The following IKBKB variants were observed in gnomAD, a reference collection of about 807,000 sequenced individuals.
The protein encoded by IKBKB is inhibitor of nuclear factor kappa B kinase subunit beta, also known as inhibitor of nuclear factor kappa-B kinase subunit beta.
IKBKB carries 42 observed loss-of-function variants against 113.6 expected under a neutral mutation model. The ratio of observed to expected loss-of-function variants is 0.37; its 90% CI spans 0.29 to 0.48. IKBKB has a LOEUF of 0.48. IKBKB is among the 20% of genes least tolerant of loss of function. IKBKB has a pLI of 0.99. For synonymous variants in IKBKB, 296 were observed against 361.3 expected, an observed-to-expected ratio of 0.82 and a Z score of 2.05; for missense variants, 673 against 939.7, an observed-to-expected ratio of 0.72 and a Z score of 3.71.
At chr8:42,276,218 T>C (rs148928816) in intron 2 of IKBKB, among the ~76,000 whole-genome samples, 1 of 152,362 alleles carries the variant, frequency 6.6e-6, no homozygotes, top group East Asian at 1.9e-4. Flanking sequence ...CAATAGTGTA[T>C]AGAGTTCCGC....
rs1563361669 is a variant in IKBKB at position 42,320,809 on chromosome 8, C to T, written c.1653C>T (p.Pro551=). The change falls in exon 16 of 22, where the codon CCC becomes CCT. Residue 551 remains proline, a synonymous_variant. Coordinates refer to ENST00000520810, the MANE Select transcript of IKBKB (RefSeq NM_001556.3). ...ACATTGTGGACTTACAGAGGAGCCCCATGGGCCGGAAGCAGGGGGGAACGC... is the reference window on the plus strand; with the variant it reads ...ACATTGTGGACTTACAGAGGAGCCCTATGGGCCGGAAGCAGGGGGGAACGC... The part of the protein sequence containing the change: ...QTDIVDLQRS[P]MGRKQGGTLD... 2 of 1,606,524 alleles carry T rather than the reference C, an allele frequency of 1.2e-6. No homozygotes were observed. The highest frequency in any genetic ancestry group is 1.7e-6 in the Non-Finnish European group (2 of 1,176,298).
intron 2 of IKBKB, among the ~76,000 whole-genome samples, chr8:42,277,632 C>A (rs950842038): frequency 1.3e-5 from 2 of 152,206 alleles, no homozygotes; most frequent in Non-Finnish European, 2.9e-5. Context: ...GGACAGGCCT[C>A]CCCCTCCTCC....
chr8:42,298,387 G>A, intron 5 of IKBKB: 1 of 985,382 alleles, frequency 1.0e-6, no homozygotes, highest in Non-Finnish European at 1.2e-6. Flanking sequence ...TTCTCGAGCT[G>A]CTCCTAGCAG....
chr8:42,331,508 T>A lies in IKBKB; in HGVS notation c.*529T>A, dbSNP rs1199458134. The A allele has an allele frequency of 1.5e-6, 1 of 667,892 alleles. No individual in the cohort carries two copies. Among genetic ancestry groups the A allele is most frequent in the Non-Finnish European group, 2.7e-6 (1 of 366,994 alleles). The allele number at this position is 667,892 out of a possible 1,614,324, so 41.4% of individuals were successfully genotyped here. On this transcript the variant is annotated 3_prime_UTR_variant, in exon 22 of 22. Coordinates refer to ENST00000520810, the MANE Select transcript of IKBKB (RefSeq NM_001556.3). ...TTTACAGCTTGTGTTTCTTCTGGAT[T>A]CAGCTTCTCCTAAACAGACAGTTTA...
chr8:42,280,007 C>T (rs1399805632), intron 2 of IKBKB, among the ~76,000 whole-genome samples: 8 of 152,088 alleles, frequency 5.3e-5, no homozygotes, highest in Admixed American at 5.2e-4. Context: ...AGACACCACG[C>T]CTGGCTAATT....
chr8:42,316,170 G>C lies in IKBKB; in HGVS notation c.801-40G>C, dbSNP rs1351154201. ...AGACGCACACTGTAGCCCAACATTG[G>C]CTGGAAGTGTCTCCTCACACACTAT... On this transcript the variant is annotated intron_variant, in intron 9 of 21. Transcript: ENST00000520810. This position sits in a 1 kb window ranked among gnomAD's most constrained non-coding sequence, Gnocchi z 4.5. The C allele has an allele frequency of 3.1e-6, 5 of 1,608,622 alleles. No homozygotes were observed. The highest frequency in any genetic ancestry group is 4.2e-6 in the Non-Finnish European group (5 of 1,176,970).
At chr8:42,327,518 A>G (rs1434544383) in intron 20 of IKBKB, among the ~76,000 whole-genome samples, 1 of 151,294 alleles carries the variant, frequency 6.6e-6, no homozygotes, top group African/African-American at 2.4e-5. Context: ...TAGTTTTAGT[A>G]GAGATGGGGT....
chr8:42,312,107 C>T (rs1177150511), intron 8 of IKBKB, among the ~76,000 whole-genome samples: 7 of 152,150 alleles, frequency 4.6e-5, no homozygotes, highest in Non-Finnish European at 8.8e-5. Flanking sequence ...AGGATGGTCT[C>T]GATCTCCTGA....
chr8:42,318,457 G>A (rs1467625743), intron 12 of IKBKB, 95 bp from the exon 13 acceptor site: 13 of 1,402,380 alleles, frequency 9.3e-6, no homozygotes, highest in African/African-American at 7.1e-5. Flanking sequence ...GGTACAAAAC[G>A]TGAAAGTGCC....
chr8:42,293,388 AT>A, intron 4 of IKBKB, 54 bp from the exon 5 acceptor site: 2 of 1,610,776 alleles, frequency 1.2e-6, no homozygotes, highest in Non-Finnish European at 1.7e-6. Context: ...ACATGTGTGG[AT>A]TTCCGGTGGT....
At chr8:42,320,364 A>G (rs974056071) in intron 15 of IKBKB, 1 of 199,422 alleles carries the variant, frequency 5.0e-6, no homozygotes, top group Non-Finnish European at 1.0e-5. Context: ...CCCGGGTAGC[A>G]TCAGGATAGA....
intron 2 of IKBKB, among the ~76,000 whole-genome samples, chr8:42,274,048 G>A (rs1454625451): frequency 3.4e-5 from 5 of 148,812 alleles, no homozygotes; most frequent in South Asian, 2.1e-4. Context: ...TTTTTTTTCC[G>A]GAGACAGAGT....
chr8:42,272,939 CAAAAAAA>C (rs71221204), intron 2 of IKBKB, among the ~76,000 whole-genome samples: 4 of 51,580 alleles, frequency 7.8e-5, no homozygotes, highest in African/African-American at 2.7e-4. Context: ...GACTCCGTCT[CAAAAAAA>C]AAAAAAAAAA....
intron 15 of IKBKB, 53 bp from the exon 16 acceptor site, chr8:42,320,682 A>T: frequency 2.8e-6 from 4 of 1,453,726 alleles, no homozygotes; most frequent in Non-Finnish European, 3.9e-6. Flanking sequence ...CAGATCTTGC[A>T]TCTCAGCATG....
intron 2 of IKBKB, 85 bp from the exon 3 acceptor site, chr8:42,288,549 G>A: frequency 2.0e-6 from 2 of 1,008,158 alleles, no homozygotes; most frequent in South Asian, 1.4e-5. Context: ...AACGCTTGGG[G>A]CCTGGAGACC....
intron 21 of IKBKB, chr8:42,330,703 T>C (rs1234210024): frequency 2.2e-6 from 1 of 458,768 alleles, no homozygotes; most frequent in Admixed American, 6.4e-5. Context: ...AGAAATGGGG[T>C]TTCACCATTT....
chr8:42,278,986 CTCTG>C (rs1327287758), intron 2 of IKBKB, among the ~76,000 whole-genome samples: 6 of 151,530 alleles, frequency 4.0e-5, no homozygotes, highest in Admixed American at 6.6e-5. Flanking sequence ...AAGAGCGAAA[CTCTG>C]TCTGAGAAAA....
rs527282312 is a variant in IKBKB at position 42,278,823 on chromosome 8, C to G, written c.105+6618C>G. 2.0e-5 allele frequency among the ~76,000 whole-genome samples: 3 copies of G among 152,140 alleles called. No homozygotes were observed. The South Asian group carries it at 6.2e-4, about 32-fold the overall frequency. On this transcript the variant is annotated intron_variant, in intron 2 of 21. Coordinates refer to ENST00000520810, the MANE Select transcript of IKBKB (RefSeq NM_001556.3). ...CAGCCTGACCAACGTGGAGAAACCC[C>G]GTCTCTACTAAAAATACAAAATTAG...
At chr8:42,320,675 A>T in intron 15 of IKBKB, 60 bp from the exon 16 acceptor site, 1 of 1,391,196 alleles carries the variant, frequency 7.2e-7, no homozygotes, top group East Asian at 2.3e-5. Context: ...TCCCCCGCAG[A>T]TCTTGCATCT....
Sources: gnomAD v4.1 joint callset for allele counts (sites outside exome capture counted in the v4.1 genomes callset) on GRCh38, gnomAD v4.1.1 for gene constraint, Gnocchi (gnomAD v3.1) non-coding constraint, MANE v1.5 for transcripts, NCBI Gene and HGNC (gene_info 2026-07-23, HGNC 2026-07-21) for gene names.